Variants in XIRP2 observed in about 807,000 individuals in gnomAD.
XIRP2 encodes xin actin binding repeat containing 2.
A neutral mutation model predicts 277.0 loss-of-function variants in XIRP2; 236 were observed. The observed-to-expected ratio is 0.85, with a 90% CI of 0.77 to 0.95. XIRP2 has a LOEUF of 0.95. Ranked by LOEUF, XIRP2 falls within the 40% of genes least tolerant of loss-of-function variation. The pLI is 0.00. For synonymous variants in XIRP2, 1,490 were observed against 1,416.5 expected (o/e 1.05, Z -1.17); for missense variants, 4,640 against 4,157.5 (o/e 1.12, Z -3.19).
In XIRP2 at chr2:167,257,900, C is replaced by T. The variant is rs372896463; in HGVS notation, c.*83C>T. 1.9e-6 allele frequency: 3 copies of T among 1,610,264 alleles called. No individual in the cohort carries two copies. The highest frequency in any genetic ancestry group is 2.5e-6 in the Non-Finnish European group (3 of 1,178,722). The stretch of plus-strand genomic sequence containing the variant: ...ACTTCATGGACAAATATACTGTAAA[C>T]CTCACTTTAAACAACTTTTCAAATC... On this transcript the variant is annotated 3_prime_UTR_variant, in exon 11 of 11. Coordinates refer to ENST00000409195, the MANE Select transcript of XIRP2 (RefSeq NM_152381.6).
At chr2:167,093,205 ATAT>A (rs1172983788) in intron 2 of XIRP2, among the ~76,000 whole-genome samples, 59 of 151,926 alleles carry the variant, frequency 3.9e-4, no homozygotes, top group African/African-American at 1.3e-3. Context: ...GAGGTCTATA[ATAT>A]TAAGTAGATA....
intron 2 of XIRP2, among the ~76,000 whole-genome samples, chr2:167,050,837 G>T (rs1251162634): frequency 6.6e-6 from 1 of 151,562 alleles, no homozygotes; most frequent in Non-Finnish European, 1.5e-5. Context: ...AATTGCCCTT[G>T]CTGCAATGGT....
At position 166,900,774 on chromosome 2, in the gene XIRP2, C is replaced by G. The variant is rs565769002; in HGVS notation, c.-18-2691C>G. ...CACTGACATCATTGCCAGAAGGAAGCCCTCAATACCAGTGGATGATGAAGA... is the reference window on the plus strand; with the variant it reads ...CACTGACATCATTGCCAGAAGGAAGGCCTCAATACCAGTGGATGATGAAGA... On this transcript the variant is annotated intron_variant, in intron 1 of 10. Coordinates refer to ENST00000409195, the MANE Select transcript of XIRP2 (RefSeq NM_152381.6). Among the ~76,000 whole-genome samples, 3 of 152,176 alleles carry G rather than the reference C, an allele frequency of 2.0e-5. No homozygotes were observed. In the East Asian group the frequency reaches 5.8e-4, roughly 30 times the overall value.
chr2:166,953,243 C>T (rs142098082), intron 2 of XIRP2, among the ~76,000 whole-genome samples: 2 of 151,860 alleles, frequency 1.3e-5, no homozygotes, highest in Non-Finnish European at 2.9e-5. Context: ...GTTTCCCCAC[C>T]CAAATCTCCT....
intron 2 of XIRP2, among the ~76,000 whole-genome samples, chr2:166,935,938 T>C (rs1685484430): frequency 3.9e-5 from 6 of 152,208 alleles, no homozygotes; most frequent in Admixed American, 3.9e-4. Flanking sequence ...AGTAATGGGA[T>C]GGCTGGGTCA....
intron 2 of XIRP2, among the ~76,000 whole-genome samples, chr2:166,919,974 A>G (rs1455671402): frequency 6.6e-6 from 1 of 152,126 alleles, no homozygotes; most frequent in Non-Finnish European, 1.5e-5. Flanking sequence ...TCACCAACAT[A>G]TGTTTCAGGT....
chr2:166,918,094 T>G (rs1343961433), intron 2 of XIRP2, among the ~76,000 whole-genome samples: 4 of 152,212 alleles, frequency 2.6e-5, no homozygotes, highest in Non-Finnish European at 5.9e-5. Flanking sequence ...ACATCATATC[T>G]GGAAATACAG....
intron 2 of XIRP2, among the ~76,000 whole-genome samples, chr2:166,966,573 C>T (rs1316298406): frequency 6.6e-6 from 1 of 151,904 alleles, no homozygotes; most frequent in Non-Finnish European, 1.5e-5. Flanking sequence ...TTTCCTTCTC[C>T]CACCTCACTT....
intron 2 of XIRP2, among the ~76,000 whole-genome samples, chr2:167,023,456 T>A (rs567505409): frequency 2.5e-4 from 38 of 152,066 alleles, no homozygotes; most frequent in African/African-American, 8.9e-4. Flanking sequence ...GCTCTTTAGT[T>A]TAATTAGATC....
At chr2:166,995,188 T>G (rs1687183959) in intron 2 of XIRP2, among the ~76,000 whole-genome samples, 1 of 152,158 alleles carries the variant, frequency 6.6e-6, no homozygotes, top group African/African-American at 2.4e-5. Flanking sequence ...CCTGACCTCT[T>G]TATTTTAGCA....
chr2:167,005,438 A>G (rs1687480698), intron 2 of XIRP2, among the ~76,000 whole-genome samples: 1 of 151,896 alleles, frequency 6.6e-6, no homozygotes, highest in Admixed American at 6.6e-5. Flanking sequence ...AGAAACTAAG[A>G]TGTAAAGGGA....
rs1181000850 is a variant in XIRP2, at chr2:167,248,164, A to C, written c.6772A>C (p.Asn2258His). The C allele has an allele frequency of 6.2e-7, 1 of 1,613,792 alleles. No individual in the cohort carries two copies. The highest frequency in any genetic ancestry group is 1.7e-5 in the Admixed American group (1 of 59,984). Residue 2258 changes from asparagine to histidine, a missense_variant, in exon 9 of 11, where the codon AAT (asparagine) becomes CAT (histidine). Transcript: ENST00000409195. ...AAGCCAGGACTTTCTAATGAAAACA[A>C]ATACTTCCACAGGCTTAAAAATGGC... ...LKSQDFLMKT[N>H]TSTGLKMAME...
intron 2 of XIRP2, among the ~76,000 whole-genome samples, chr2:167,037,697 T>C (rs111437213): frequency 6.6e-6 from 1 of 152,130 alleles, no homozygotes; most frequent in African/African-American, 2.4e-5. Context: ...CAAAGCTTTG[T>C]ACTAAAATAA....
intron 2 of XIRP2, among the ~76,000 whole-genome samples, chr2:166,960,877 C>A (rs1257286623): frequency 6.6e-6 from 1 of 151,712 alleles, no homozygotes; most frequent in Admixed American, 6.6e-5. Flanking sequence ...CCATCCTGAC[C>A]TTTTACTTGT....
At chr2:167,129,736 G>A (rs985645430) in intron 2 of XIRP2, among the ~76,000 whole-genome samples, 17 of 151,838 alleles carry the variant, frequency 1.1e-4, no homozygotes, top group African/African-American at 1.9e-4. Flanking sequence ...CAGGCGTGGT[G>A]GCGCATGCCT....
chr2:167,245,820 A>C lies in XIRP2; in HGVS notation c.4428A>C (p.Thr1476=). 6.2e-7 allele frequency: 1 copy of C among 1,613,792 alleles called. No homozygotes were observed. Among genetic ancestry groups the C allele is most frequent in the Non-Finnish European group, 8.5e-7 (1 of 1,179,758 alleles). The part of the protein sequence containing the change: ...GEGLEYENIK[T]VTQEDVQKGD... The stretch of plus-strand genomic sequence containing the variant: ...GGTTAGAATATGAAAATATCAAGAC[A>C]GTCACTCAGGAAGATGTGCAGAAAG... Residue 1476 remains threonine, a synonymous_variant, in exon 9 of 11, where the codon ACA becomes ACC. Transcript: ENST00000409195.
intron 4 of XIRP2, among the ~76,000 whole-genome samples, chr2:167,217,128 T>G (rs1482102014): frequency 3.4e-5 from 3 of 87,898 alleles, no homozygotes; most frequent in African/African-American, 1.3e-4. Flanking sequence ...CTCTGGGGAC[T>G]GTGGTGGGGT....
intron 3 of XIRP2, among the ~76,000 whole-genome samples, chr2:167,141,865 A>C (rs1691727086): frequency 1.3e-5 from 2 of 152,146 alleles, no homozygotes; most frequent in Admixed American, 6.5e-5. Flanking sequence ...TGTCTCAAAA[A>C]TAAAATATAG....
chr2:167,255,154 C>T (rs979633623), intron 10 of XIRP2, among the ~76,000 whole-genome samples: 5 of 151,770 alleles, frequency 3.3e-5, no homozygotes, highest in Admixed American at 6.6e-5. Flanking sequence ...TTCTTCTCAA[C>T]GTTTCTCTTC....
Sources: allele counts gnomAD v4.1 joint callset (sites outside exome capture counted in the v4.1 genomes callset), GRCh38; gene constraint gnomAD v4.1.1; transcripts MANE v1.5; gene names NCBI Gene and HGNC (gene_info 2026-07-23, HGNC 2026-07-21).